HDX: variants seen among roughly 807,000 people sequenced by gnomAD.
HDX encodes highly divergent homeobox.
Under a neutral mutation model 45.2 loss-of-function variants are expected in HDX, and 19 were observed. The ratio of observed to expected loss-of-function variants is 0.42; its 90% CI spans 0.29 to 0.62. The LOEUF (loss-of-function observed/expected upper bound fraction) is 0.62, where lower values mean the gene tolerates loss of function less well. HDX is among the 20% of genes least tolerant of loss of function. The pLI is 0.20. For synonymous variants in HDX, 188 were observed against 172.8 expected (o/e 1.09, Z -0.69); for missense variants, 532 against 493.9 (o/e 1.08, Z -0.73).
intron 3 of HDX, among the ~76,000 whole-genome samples, chrX:84,474,099 T>C (rs961140324): frequency 3.6e-5 from 4 of 111,554 alleles, no homozygotes; most frequent in African/African-American, 1.3e-4. Flanking sequence ...GAGACCAACC[T>C]GTCCAACATG....
chrX:84,425,198 A>G (rs1162421787), intron 5 of HDX, among the ~76,000 whole-genome samples: 1 of 112,195 alleles, frequency 8.9e-6, no homozygotes, highest in Non-Finnish European at 1.9e-5. Context: ...TAAAAATGAC[A>G]GAGATATATG....
chrX:84,380,887 A>AG, intron 5 of HDX, among the ~76,000 whole-genome samples: 1 of 111,167 alleles, frequency 9.0e-6, no homozygotes, highest in Non-Finnish European at 1.9e-5. Context: ...GAAAAGAGAA[A>AG]AAATAAAGGG....
At chrX:84,439,023 A>G (rs1228583567) in intron 5 of HDX, among the ~76,000 whole-genome samples, 1 of 111,762 alleles carries the variant, frequency 8.9e-6, no homozygotes, top group East Asian at 2.8e-4. Flanking sequence ...TATTTTCTCC[A>G]TAGACTGAGG....
intron 7 of HDX, among the ~76,000 whole-genome samples, chrX:84,343,862 G>A (rs747535944): frequency 3.5e-4 from 39 of 111,066 alleles, no homozygotes; most frequent in Admixed American, 1.1e-3. Flanking sequence ...CGCATGAAAA[G>A]CTAGGAGTTG....
At position 84,321,978 on chromosome X, in the gene HDX, T is replaced by C. The variant is rs1195501780; in HGVS notation, c.1984A>G (p.Met662Val). ...TCCAGTGAGGCATGATTGAAATCCA[T>C]TTCCTCTAATTCAGGAGGTAAATCT... ...LSDLPPELEEMDFNHASLEPD... is the reference protein window; with the variant it reads ...LSDLPPELEEVDFNHASLEPD... Residue 662 changes from methionine to valine, a missense_variant, in exon 11 of 11, where the codon ATG becomes GTG. Transcript: ENST00000373177. 7 of 1,178,780 alleles carry C rather than the reference T, an allele frequency of 5.9e-6. No individual in the cohort carries two copies. In the South Asian group the frequency reaches 1.3e-4, roughly 22 times the overall value.
chrX:84,499,388 C>T (rs2041073710), intron 1 of HDX, among the ~76,000 whole-genome samples: 2 of 111,592 alleles, frequency 1.8e-5, no homozygotes, highest in Middle Eastern at 4.6e-3. Context: ...CTAAACTTAA[C>T]AGCATATTTC....
At chrX:84,412,695 T>A (rs1219139428) in intron 5 of HDX, among the ~76,000 whole-genome samples, 1 of 111,699 alleles carries the variant, frequency 9.0e-6, no homozygotes. Flanking sequence ...TCCTGTATTA[T>A]CTGAATTTGA....
chrX:84,452,452 C>T (rs1463892673), intron 4 of HDX, among the ~76,000 whole-genome samples: 1 of 100,132 alleles, frequency 1.0e-5, no homozygotes, highest in African/African-American at 3.7e-5. Flanking sequence ...ACCACAAGGG[C>T]AAAAGAATTC....
intron 6 of HDX, among the ~76,000 whole-genome samples, chrX:84,358,531 C>T (rs2037542603): frequency 9.0e-6 from 1 of 111,367 alleles, no homozygotes; most frequent in East Asian, 2.8e-4. Context: ...GAAATAATGT[C>T]TAATGCACTT....
chrX:84,474,521 A>C (rs2040511775), intron 3 of HDX, among the ~76,000 whole-genome samples: 1 of 111,788 alleles, frequency 8.9e-6, no homozygotes, highest in African/African-American at 3.3e-5. Context: ...TAGCCTAATG[A>C]ATGCCAAGCA....
At chrX:84,466,939 G>T (rs1041568047) in intron 4 of HDX, among the ~76,000 whole-genome samples, 4 of 111,290 alleles carry the variant, frequency 3.6e-5, no homozygotes, top group Non-Finnish European at 7.5e-5. Flanking sequence ...CATATGGTCA[G>T]CCCTCAACAA....
At chrX:84,437,653 A>G (rs981510478) in intron 5 of HDX, among the ~76,000 whole-genome samples, 12 of 110,779 alleles carry the variant, frequency 1.1e-4, no homozygotes, top group African/African-American at 3.9e-4. Flanking sequence ...ACATGTGAGG[A>G]GATACCTACC....
chrX:84,340,695 G>A (rs767045880), intron 7 of HDX, among the ~76,000 whole-genome samples: 2 of 110,829 alleles, frequency 1.8e-5, no homozygotes, highest in Admixed American at 1.9e-4. Context: ...TAACTAGTAG[G>A]AAACTGTACC....
intron 6 of HDX, among the ~76,000 whole-genome samples, chrX:84,359,171 T>C (rs889399646): frequency 3.6e-5 from 4 of 111,513 alleles, no homozygotes; most frequent in Admixed American, 9.6e-5. Context: ...TCAGTATAAT[T>C]TTTAAAATTT....
At chrX:84,403,475 T>A (rs1043022187) in intron 5 of HDX, among the ~76,000 whole-genome samples, 3 of 111,520 alleles carry the variant, frequency 2.7e-5, no homozygotes, top group Admixed American at 1.9e-4. Flanking sequence ...CAACAAGGAA[T>A]CAGTGCCCAA....
At chrX:84,501,326 CAG>C (rs1214408481) in intron 1 of HDX, 1 of 111,248 alleles carries the variant, frequency 9.0e-6, no homozygotes, top group Admixed American at 9.6e-5. Context: ...AGCAGAGACA[CAG>C]AGGAAGAAGA....
intron 5 of HDX, among the ~76,000 whole-genome samples, chrX:84,424,907 A>G (rs2039350554): frequency 9.0e-6 from 1 of 110,960 alleles, no homozygotes; most frequent in Non-Finnish European, 1.9e-5. Flanking sequence ...TTGTCTGGGC[A>G]AAAATTTCTG....
intron 5 of HDX, among the ~76,000 whole-genome samples, chrX:84,376,443 T>C (rs2038058443): frequency 8.9e-6 from 1 of 111,919 alleles, no homozygotes; most frequent in Non-Finnish European, 1.9e-5. Flanking sequence ...TTGAGGTCTC[T>C]GATTCTAGGA....
At chrX:84,410,268 C>A (rs956132206) in intron 5 of HDX, among the ~76,000 whole-genome samples, 1 of 110,532 alleles carries the variant, frequency 9.0e-6, no homozygotes, top group East Asian at 2.9e-4. Flanking sequence ...TTTCCCTATT[C>A]AGTGTGATGT....
Sources: gnomAD v4.1 joint callset for allele counts (sites outside exome capture counted in the v4.1 genomes callset) on GRCh38, gnomAD v4.1.1 for gene constraint, MANE v1.5 for transcripts, NCBI Gene and HGNC (gene_info 2026-07-23, HGNC 2026-07-21) for gene names.